Variants in CYP20A1 observed in about 807,000 individuals in gnomAD.
CYP20A1 encodes the protein cytochrome P450 20A1.
CYP20A1 carries 61 observed loss-of-function variants against 61.4 expected under a neutral mutation model. The ratio of observed to expected loss-of-function variants is 0.99; its 90% CI spans 0.81 to 1.23. The LOEUF (loss-of-function observed/expected upper bound fraction) is 1.23, where lower values mean the gene tolerates loss of function less well. Among genes scored for constraint, CYP20A1 ranks in the 50% most tolerant of loss-of-function variants. The pLI is 0.00. For missense variants in CYP20A1, 530 were observed against 542.4 expected, an observed-to-expected ratio of 0.98 and a Z score of 0.23; for synonymous variants, 193 against 188.2, an observed-to-expected ratio of 1.03 and a Z score of -0.21.
intron 1 of CYP20A1, among the ~76,000 whole-genome samples, chr2:203,242,757 C>T: frequency 6.6e-6 from 1 of 151,716 alleles, no homozygotes; most frequent in South Asian, 2.1e-4. Flanking sequence ...CGCCATTGCA[C>T]TCCAGACTGG....
At chr2:203,272,260 C>G (rs2067632220) in intron 5 of CYP20A1, among the ~76,000 whole-genome samples, 1 of 151,736 alleles carries the variant, frequency 6.6e-6, no homozygotes, top group Admixed American at 6.6e-5. Context: ...GAGGAGAGTT[C>G]CTGCTGGGTA....
At chr2:203,269,545 A>C (rs1351144737) in intron 5 of CYP20A1, among the ~76,000 whole-genome samples, 1 of 150,736 alleles carries the variant, frequency 6.6e-6, no homozygotes. Context: ...CACAGGCTAG[A>C]ATGCAGTGGT....
chr2:203,276,875 A>G (rs1246717610), intron 6 of CYP20A1, among the ~76,000 whole-genome samples: 1 of 152,198 alleles, frequency 6.6e-6, no homozygotes, highest in Non-Finnish European at 1.5e-5. Context: ...AGAGATCACC[A>G]GGTAGTGAAT....
rs1406288977 is a variant in CYP20A1, at chr2:203,304,921, G to A, written c.*8013G>A. 6.6e-6 allele frequency among the ~76,000 whole-genome samples: 1 copy of A among 152,100 alleles called. No individual in the cohort carries two copies. Among genetic ancestry groups the A allele is most frequent in the African/African-American group, 2.4e-5 (1 of 41,420 alleles). On this transcript the variant is annotated 3_prime_UTR_variant, in exon 13 of 13. Transcript: ENST00000356079. ...ACTGCACTCCAGCCTAGGTGACAAA[G>A]CACAACCCTCAAATAAATAAATAAA...
Position 203,298,850 on chromosome 2 carries a change from A to G in CYP20A1, c.*1942A>G, listed in dbSNP as rs2068913693. Among the ~76,000 whole-genome samples the G allele has an allele frequency of 6.6e-6, 1 of 152,044 alleles. No homozygotes were observed. The highest frequency in any genetic ancestry group is 1.5e-5 in the Non-Finnish European group (1 of 68,004). ...GAGATTTGAGACCATCCTGGCCAAC[A>G]TGGTGAAACCCCATCTCTACTAAAA... On this transcript the variant is annotated 3_prime_UTR_variant, in exon 13 of 13. Coordinates refer to ENST00000356079, the MANE Select transcript of CYP20A1 (RefSeq NM_177538.3).
rs2068917478 is a variant in CYP20A1 at position 203,298,926 on chromosome 2, T to C, written c.*2018T>C. On this transcript the variant is annotated 3_prime_UTR_variant, in exon 13 of 13. Transcript: ENST00000356079. ...GGCGTGCGCCTGTAGTCTCAGCTAC[T>C]TGGGAGGCTGAGGCAGGAGAATCGC... 6.6e-6 allele frequency among the ~76,000 whole-genome samples: 1 copy of C among 151,854 alleles called. No individual in the cohort carries two copies. Among genetic ancestry groups the C allele is most frequent in the Non-Finnish European group, 1.5e-5 (1 of 67,964 alleles).
At chr2:203,285,463 C>G in intron 8 of CYP20A1, 149 bp from the exon 9 acceptor site, 2 of 775,180 alleles carry the variant, frequency 2.6e-6, no homozygotes, top group Non-Finnish European at 3.7e-6. Context: ...AAGAATTTTA[C>G]TTTTTAGTAG....
intron 4 of CYP20A1, among the ~76,000 whole-genome samples, chr2:203,256,486 A>G (rs1298709219): frequency 2.0e-5 from 3 of 151,920 alleles, no homozygotes; most frequent in Non-Finnish European, 4.4e-5. Context: ...TAACCTCCCT[A>G]GTAGCTGGCA....
At chr2:203,275,150 C>T (rs2067762490) in intron 6 of CYP20A1, among the ~76,000 whole-genome samples, 1 of 152,180 alleles carries the variant, frequency 6.6e-6, no homozygotes, top group Non-Finnish European at 1.5e-5. Context: ...AATCTGAGAT[C>T]AGGGTGTCGT....
rs1028486821 is a variant in CYP20A1, at chr2:203,304,496, CA to C, written c.*7595del. ...ACAGGTGTGAGCCACAGCGCCCGGCCAAAAAAAGGAATTTTTAAGAGGAAAA... is the reference window on the plus strand; with the variant it reads ...ACAGGTGTGAGCCACAGCGCCCGGCCAAAAAAGGAATTTTTAAGAGGAAAA... On this transcript the variant is annotated 3_prime_UTR_variant, in exon 13 of 13. Coordinates refer to ENST00000356079, the MANE Select transcript of CYP20A1 (RefSeq NM_177538.3). Among the ~76,000 whole-genome samples, 1 of 151,824 alleles carries C rather than the reference CA, an allele frequency of 6.6e-6. No homozygotes were observed. The highest frequency in any genetic ancestry group is 2.4e-5 in the African/African-American group (1 of 41,344).
intron 5 of CYP20A1, among the ~76,000 whole-genome samples, chr2:203,269,623 T>A (rs2067480732): frequency 6.6e-6 from 1 of 151,640 alleles, no homozygotes; most frequent in Admixed American, 6.6e-5. Context: ...GCCTCCCCAG[T>A]AGCTGGGATT....
intron 1 of CYP20A1, among the ~76,000 whole-genome samples, chr2:203,244,858 G>A (rs1311564956): frequency 1.3e-5 from 2 of 150,186 alleles, no homozygotes; most frequent in Admixed American, 6.6e-5. Flanking sequence ...TCAGCCTCCC[G>A]AGTAGCTGGG....
intron 1 of CYP20A1, among the ~76,000 whole-genome samples, chr2:203,244,464 G>A (rs1364627201): frequency 6.6e-6 from 1 of 151,896 alleles, no homozygotes; most frequent in South Asian, 2.1e-4. Flanking sequence ...CTCCAAAAGT[G>A]CTGGGATTAC....
Position 203,298,792 on chromosome 2 carries a change from T to A in CYP20A1, c.*1884T>A, listed in dbSNP as rs1223441044. The stretch of plus-strand genomic sequence containing the variant: ...GCTCATGCCTGTTATCCTAACACTT[T>A]GGGAAGCCGACATGGGCAGATCACG... On this transcript the variant is annotated 3_prime_UTR_variant, in exon 13 of 13. Coordinates refer to ENST00000356079, the MANE Select transcript of CYP20A1 (RefSeq NM_177538.3). 6.6e-6 allele frequency among the ~76,000 whole-genome samples: 1 copy of A among 151,824 alleles called. No individual in the cohort carries two copies. The highest frequency in any genetic ancestry group is 1.5e-5 in the Non-Finnish European group (1 of 67,974).
At position 203,289,989 on chromosome 2, in the gene CYP20A1, G is replaced by A. The variant is rs541520298; in HGVS notation, c.1083+113G>A. 2.6e-4 allele frequency: 101 copies of A among 390,222 alleles called. No homozygotes were observed. The East Asian group carries it at 4.1e-3, about 16-fold the overall frequency. 24.2% of individuals were successfully genotyped at this position (390,222 alleles called of 1,614,324 possible). A position where few individuals can be genotyped will look rare whatever the true frequency, so the allele number is the denominator to read the frequency against. On this transcript the variant is annotated intron_variant, in intron 10 of 12. Coordinates refer to ENST00000356079, the MANE Select transcript of CYP20A1 (RefSeq NM_177538.3). ...GAGGTTTGCTCTTGTCACCCAGGCT[G>A]GAGTGCAATGGCGCGATCTTGGCTC...
intron 4 of CYP20A1, among the ~76,000 whole-genome samples, chr2:203,258,024 C>G (rs1408129973): frequency 3.9e-5 from 2 of 50,746 alleles, no homozygotes; most frequent in Non-Finnish European, 1.5e-4. Flanking sequence ...GCCTCAGCCT[C>G]CTGAGTAACT....
chr2:203,282,100 C>T (rs973204118), intron 8 of CYP20A1, among the ~76,000 whole-genome samples: 1 of 143,148 alleles, frequency 7.0e-6, no homozygotes, highest in Admixed American at 7.5e-5. Context: ...TGCAATTGCG[C>T]GATTTCAGGT....
In CYP20A1 at chr2:203,297,717, C is replaced by T. The variant is rs2068871333; in HGVS notation, c.*809C>T. 1 of 152,060 alleles carries T rather than the reference C, an allele frequency of 6.6e-6. No individual in the cohort carries two copies. Among genetic ancestry groups the T allele is most frequent in the Non-Finnish European group, 1.5e-5 (1 of 68,066 alleles). 9.4% of individuals were successfully genotyped at this position (152,060 alleles called of 1,614,324 possible). A position where few individuals can be genotyped will look rare whatever the true frequency, so the allele number is the denominator to read the frequency against. On this transcript the variant is annotated 3_prime_UTR_variant, in exon 13 of 13. Transcript: ENST00000356079. The stretch of plus-strand genomic sequence containing the variant: ...AATTGGCCGGGTGCGGTGGCTCACC[C>T]CTGTAATCCCAGTACTTTGGGAGGC...
intron 1 of CYP20A1, among the ~76,000 whole-genome samples, chr2:203,241,516 A>C (rs1447050936): frequency 6.6e-6 from 1 of 152,234 alleles, no homozygotes; most frequent in African/African-American, 2.4e-5. Flanking sequence ...GGAGAGAAAG[A>C]AGAGCCAGCA....
Sources: allele counts gnomAD v4.1 joint callset (sites outside exome capture counted in the v4.1 genomes callset), GRCh38; gene constraint gnomAD v4.1.1; transcripts MANE v1.5; gene names NCBI Gene and HGNC (gene_info 2026-07-23, HGNC 2026-07-21).